Variants in ROBO2 observed in about 807,000 individuals in gnomAD.
The protein encoded by ROBO2 is roundabout guidance receptor 2, also known as roundabout homolog 2.
In ROBO2, 53 loss-of-function variants were observed where a neutral mutation model predicts 160.8. That is an observed-to-expected ratio of 0.33 (90% CI 0.26 to 0.41). ROBO2 has a LOEUF of 0.41. Ranked by LOEUF, ROBO2 falls within the 10% of genes least tolerant of loss-of-function variation. The pLI, the probability that ROBO2 is intolerant of heterozygous loss-of-function variation, is 1.00. For missense variants in ROBO2, 1,577 were observed against 1,722.4 expected (o/e 0.92, Z 1.49); for synonymous variants, 664 against 611.7 (o/e 1.09, Z -1.26).
chr3:77,292,597 C>A (rs2061437986), intron 2 of ROBO2, among the ~76,000 whole-genome samples: 1 of 146,908 alleles, frequency 6.8e-6, no homozygotes, highest in African/African-American at 2.5e-5. Context: ...GAGGCCAGAT[C>A]ACCCCAGACA....
chr3:76,310,215 C>T (rs778756341), intron 2 of ROBO2, among the ~76,000 whole-genome samples: 24 of 152,192 alleles, frequency 1.6e-4, no homozygotes, highest in Non-Finnish European at 2.5e-4. Flanking sequence ...TACCTTGTGA[C>T]CAGCAATGTC....
chr3:76,315,621 A>G (rs972060718), intron 2 of ROBO2, among the ~76,000 whole-genome samples: 1 of 152,212 alleles, frequency 6.6e-6, no homozygotes, highest in Non-Finnish European at 1.5e-5. Flanking sequence ...TTAAGAAAAA[A>G]TTATTAAGTA....
chr3:77,449,598 C>A (rs1214175363), intron 2 of ROBO2, among the ~76,000 whole-genome samples: 2 of 151,966 alleles, frequency 1.3e-5, no homozygotes, highest in Admixed American at 1.3e-4. Context: ...AAAAATGACT[C>A]ATAAAACCAA....
At chr3:76,344,330 A>T (rs113724398) in intron 2 of ROBO2, among the ~76,000 whole-genome samples, 9,447 of 152,186 alleles carry the variant, frequency 0.062, 825 homozygotes, top group African/African-American at 0.19. Flanking sequence ...TGTGATATGC[A>T]TATCTTCAGA....
rs541627938 is a variant in ROBO2 at position 76,420,868 on chromosome 3, T to C, written c.109+483266T>C. On this transcript the variant is annotated intron_variant, in intron 2 of 26. Coordinates refer to the ROBO2 transcript ENST00000487694. ...TATTTTGTGTCTCCACAGAAAATTG[T>C]CATTCCAATCCATGTGCTTAAATAT... 2.1e-3 allele frequency among the ~76,000 whole-genome samples: 315 copies of C among 152,346 alleles called. 2 individuals are homozygous for C. Among genetic ancestry groups the C allele is most frequent in the African/African-American group, 7.2e-3 (299 of 41,582 alleles).
intron 2 of ROBO2, among the ~76,000 whole-genome samples, chr3:77,024,866 G>A (rs1279209029): frequency 1.3e-5 from 2 of 152,050 alleles, no homozygotes; most frequent in Non-Finnish European, 2.9e-5. Context: ...GAAAAGACAC[G>A]TTTTGGAGTA....
intron 2 of ROBO2, among the ~76,000 whole-genome samples, chr3:76,767,247 C>T (rs1054384063): frequency 5.9e-5 from 9 of 151,452 alleles, no homozygotes; most frequent in Non-Finnish European, 1.0e-4. Flanking sequence ...CAATTATCGT[C>T]TAAGAATGGA....
intron 2 of ROBO2, among the ~76,000 whole-genome samples, chr3:76,699,053 A>T (rs753686158): frequency 2.6e-5 from 4 of 152,186 alleles, no homozygotes; most frequent in Admixed American, 2.0e-4. Context: ...AATGACAGAA[A>T]TTTAAATACA....
At chr3:76,639,976 T>A (rs2090567242) in intron 2 of ROBO2, among the ~76,000 whole-genome samples, 2 of 152,188 alleles carry the variant, frequency 1.3e-5, no homozygotes, top group African/African-American at 2.4e-5. Context: ...TACTGTACTC[T>A]AGAAAGAAAA....
At chr3:76,399,931 G>T (rs140150660) in intron 2 of ROBO2, among the ~76,000 whole-genome samples, 389 of 151,792 alleles carry the variant, frequency 2.6e-3, no homozygotes, top group African/African-American at 8.6e-3. Context: ...CTTTTAGCAA[G>T]AATAAATTCA....
intron 2 of ROBO2, among the ~76,000 whole-genome samples, chr3:75,975,290 A>T (rs1433373233): frequency 6.6e-6 from 1 of 151,478 alleles, no homozygotes; most frequent in Non-Finnish European, 1.5e-5. Context: ...GCCTCTTTAT[A>T]GGTACTTTTG....
intron 2 of ROBO2, among the ~76,000 whole-genome samples, chr3:77,247,640 G>C (rs1440224462): frequency 6.6e-6 from 1 of 152,126 alleles, no homozygotes. Flanking sequence ...CTGAGAATTA[G>C]AATCCTCTTC....
intron 2 of ROBO2, among the ~76,000 whole-genome samples, chr3:76,671,201 T>C (rs1301307046): frequency 6.6e-6 from 1 of 151,854 alleles, no homozygotes; most frequent in Non-Finnish European, 1.5e-5. Context: ...ATTACTCTAT[T>C]ACAAAGGTAA....
At chr3:75,952,627 G>T (rs1948588884) in intron 2 of ROBO2, among the ~76,000 whole-genome samples, 1 of 151,834 alleles carries the variant, frequency 6.6e-6, no homozygotes. Flanking sequence ...AGTCAATATT[G>T]GTACATTATT....
chr3:76,139,619 G>A (rs2071555675), intron 2 of ROBO2, among the ~76,000 whole-genome samples: 1 of 152,032 alleles, frequency 6.6e-6, no homozygotes, highest in Non-Finnish European at 1.5e-5. Context: ...CTGCCTTAAG[G>A]CAGGGTGATG....
At chr3:77,070,322 T>C (rs2067272778) in intron 1 of ROBO2, among the ~76,000 whole-genome samples, 1 of 152,186 alleles carries the variant, frequency 6.6e-6, no homozygotes, top group South Asian at 2.1e-4. Flanking sequence ...CCTTGCCTCT[T>C]CCAGCTTTGG....
chr3:76,186,386 G>A (rs965096331), intron 2 of ROBO2, among the ~76,000 whole-genome samples: 1 of 151,962 alleles, frequency 6.6e-6, no homozygotes, highest in African/African-American at 2.4e-5. Context: ...TAATGTACTT[G>A]CCCTCAATTA....
At chr3:76,324,337 A>G (rs1042249097) in intron 2 of ROBO2, among the ~76,000 whole-genome samples, 2 of 152,210 alleles carry the variant, frequency 1.3e-5, no homozygotes, top group Non-Finnish European at 2.9e-5. Flanking sequence ...TGTTCTTTCA[A>G]TCCCAGTCAA....
chr3:77,522,926 A>C, intron 6 of ROBO2, 24 bp downstream of exon 6: 1 of 1,608,098 alleles, frequency 6.2e-7, no homozygotes, highest in South Asian at 1.1e-5. Context: ...GATGTCAAAG[A>C]TAATTGAACC....
Sources: allele counts gnomAD v4.1 joint callset (sites outside exome capture counted in the v4.1 genomes callset), GRCh38; gene constraint gnomAD v4.1.1; transcripts MANE v1.5; gene names NCBI Gene and HGNC (gene_info 2026-07-23, HGNC 2026-07-21).